ZNF850: variants seen among roughly 807,000 people sequenced by gnomAD.
ZNF850 encodes zinc finger protein 850, also known as putative zinc finger protein ENSP00000330994.
In ZNF850, 2 loss-of-function variants were observed where a neutral mutation model predicts 11.9. The ratio of observed to expected loss-of-function variants is 0.17; its 90% CI spans 0.07 to 0.53. ZNF850 has a LOEUF of 0.53. Ranked by LOEUF, ZNF850 falls within the 20% of genes least tolerant of loss-of-function variation. The pLI is 0.94. For synonymous variants in ZNF850, 381 were observed against 443.0 expected (o/e 0.86, Z 1.76); for missense variants, 1,014 against 1,316.4 (o/e 0.77, Z 3.55).
chr19:36,755,865 T>C (rs1355089525), intron 4 of ZNF850, among the ~76,000 whole-genome samples: 1 of 149,026 alleles, frequency 6.7e-6, no homozygotes, highest in East Asian at 2.0e-4. Context: ...CACTAGTAAA[T>C]AAAGTAACTA....
At position 36,750,297 on chromosome 19, in the gene ZNF850, G is replaced by A. The variant is rs1368465336; in HGVS notation, c.743C>T (p.Thr248Ile). ...SHLIQHQKMY[T>I]DERPHECQES... ...CTGACACTCATGAGGTCTCTCATCT[G>A]TATACATTTTCTGGTGTTGAATAAG... The change falls in exon 5 of 5, where the codon ACA becomes ATA. Residue 248 changes from threonine to isoleucine, a missense_variant. By Grantham distance (89) the Thr-to-Ile change is moderately conservative. Coordinates refer to ENST00000591344, the MANE Select transcript of ZNF850 (RefSeq NM_001193552.2). 1 of 1,536,698 alleles carries A rather than the reference G, an allele frequency of 6.5e-7. No individual in the cohort carries two copies. The highest frequency in any genetic ancestry group is 2.0e-5 in the Admixed American group (1 of 51,000).
At chr19:36,751,475 C>T (rs973000338) in intron 4 of ZNF850, among the ~76,000 whole-genome samples, 3 of 151,878 alleles carry the variant, frequency 2.0e-5, no homozygotes, top group East Asian at 1.9e-4. Context: ...CTGAAGCGGG[C>T]GGACCACAAG....
At position 36,765,672 on chromosome 19, in the gene ZNF850, C is replaced by T. The variant is rs186040161; in HGVS notation, c.-69-2997G>A. On this transcript the variant is annotated intron_variant, in intron 1 of 4. Coordinates refer to ENST00000591344, the MANE Select transcript of ZNF850 (RefSeq NM_001193552.2). The stretch of plus-strand genomic sequence containing the variant: ...CGATCTCGGCTCACTGCAACCTCCT[C>T]CTCCTGGATTCAAGCGATTCTCCTG... Among the ~76,000 whole-genome samples, 1,124 of 150,598 alleles carry T rather than the reference C, an allele frequency of 7.5e-3. 11 individuals are homozygous for T. Among genetic ancestry groups the T allele is most frequent in the African/African-American group, 0.025 (1,038 of 40,708 alleles).
At position 36,747,635 on chromosome 19, in the gene ZNF850, C is replaced by CAAA. The variant is rs56769461; in HGVS notation, c.*129_*131dup. 725 of 766,864 alleles carry CAAA rather than the reference C, an allele frequency of 9.5e-4. 2 individuals are homozygous for CAAA. The African/African-American group carries it at 0.011, about 12-fold the overall frequency. 47.5% of individuals were successfully genotyped at this position (766,864 alleles called of 1,614,324 possible). A position where few individuals can be genotyped will look rare whatever the true frequency, so the allele number is the denominator to read the frequency against. ...TGGGCGACAGAGCAAGACTCCGTCTCAAAAAAAAAAAAAAAAGTCGTAATT... is the reference window on the plus strand; with the variant it reads ...TGGGCGACAGAGCAAGACTCCGTCTCAAAAAAAAAAAAAAAAAAAGTCGTAATT... On this transcript the variant is annotated 3_prime_UTR_variant, in exon 5 of 5. Transcript: ENST00000591344.
intron 4 of ZNF850, among the ~76,000 whole-genome samples, chr19:36,757,769 G>GCA (rs2040495618): frequency 6.6e-6 from 1 of 151,958 alleles, no homozygotes; most frequent in Non-Finnish European, 1.5e-5. Context: ...CAAGTGATCT[G>GCA]CACACCTCAG....
intron 1 of ZNF850, among the ~76,000 whole-genome samples, chr19:36,765,510 G>A (rs866326269): frequency 8.7e-5 from 13 of 150,060 alleles, no homozygotes; most frequent in Middle Eastern, 3.5e-3. Flanking sequence ...AATGTTTTTC[G>A]TATTAAATCC....
chr19:36,757,897 C>T (rs1423712960), intron 4 of ZNF850, among the ~76,000 whole-genome samples: 1 of 152,108 alleles, frequency 6.6e-6, no homozygotes, highest in Non-Finnish European at 1.5e-5. Flanking sequence ...TCACAGCTCA[C>T]TGCAGCCTTG....
At chr19:36,761,961 G>T (rs559645442) in intron 3 of ZNF850, among the ~76,000 whole-genome samples, 1 of 150,408 alleles carries the variant, frequency 6.6e-6, no homozygotes, top group South Asian at 2.1e-4. Flanking sequence ...CAGGAGAGTC[G>T]CTTGAACCCG....
intron 4 of ZNF850, 102 bp downstream of exon 4, chr19:36,761,541 T>C (rs1472969195): frequency 3.5e-6 from 2 of 576,426 alleles, no homozygotes; most frequent in Non-Finnish European, 6.0e-6. Context: ...ACATGGGACC[T>C]TGAAGAAGAG....
At position 36,749,323 on chromosome 19, in the gene ZNF850, G is replaced by A. The variant is rs183313338; in HGVS notation, c.1717C>T (p.Arg573Cys). 1.9e-5 allele frequency: 30 copies of A among 1,553,768 alleles called. No homozygotes were observed. The highest frequency in any genetic ancestry group is 1.4e-4 in the East Asian group (6 of 41,622). ...CGCTGATGTTGAATTAGTGCTGAGC[G>A]AGAAGTAAAAGATTTTCCACATTCT... ...CKECGKSFTS[R>C]SALIQHQRIH... Residue 573 changes from arginine (R) to cysteine (C), a missense_variant, in exon 5 of 5, where the codon CGC (arginine) becomes TGC (cysteine). Physicochemically the swap from Arg to Cys is radical, Grantham distance 180. Transcript: ENST00000591344.
intron 3 of ZNF850, 51 bp downstream of exon 3, chr19:36,762,254 T>C (rs1478535974): frequency 7.0e-7 from 1 of 1,430,826 alleles, no homozygotes. Flanking sequence ...ACCCAGACAA[T>C]TGAAAGCTAC....
intron 4 of ZNF850, among the ~76,000 whole-genome samples, chr19:36,759,005 C>A (rs1037915217): frequency 6.6e-6 from 1 of 151,542 alleles, no homozygotes; most frequent in Non-Finnish European, 1.5e-5. Context: ...ATCACTTGAA[C>A]CAGGAAGTCG....
intron 4 of ZNF850, among the ~76,000 whole-genome samples, chr19:36,755,021 C>G (rs1027611917): frequency 3.3e-5 from 5 of 152,198 alleles, no homozygotes; most frequent in Admixed American, 1.3e-4. Context: ...ACACGTGAAT[C>G]CCCACCCCCA....
Position 36,750,760 on chromosome 19 carries a change from C to A in ZNF850, c.280G>T (p.Glu94Ter). The change falls in exon 5 of 5, where the codon GAA (glutamate) becomes TAA (stop). Residue 94 changes from glutamate (E) to a stop codon, truncating the protein, a stop_gained. Coordinates refer to ENST00000591344, the MANE Select transcript of ZNF850 (RefSeq NM_001193552.2). LOFTEE classifies it low-confidence loss of function (END_TRUNC). ...CKTKDSCLPKEIYEVTSSQWV... is the reference protein window; with the variant it reads ...CKTKDSCLPK ...TGAGATGATGTTACTTCATAGATTT[C>A]TTTTGGCAAACATGAATCTTTGGTC... The A allele has an allele frequency of 6.6e-7, 1 of 1,525,476 alleles. No homozygotes were observed. The highest frequency in any genetic ancestry group is 1.4e-5 in the African/African-American group (1 of 72,632). The allele number at this position is 1,525,476 out of a possible 1,614,324, so 94.5% of individuals were successfully genotyped here.
chr19:36,760,085 C>A (rs2040509117), intron 4 of ZNF850, among the ~76,000 whole-genome samples: 1 of 152,184 alleles, frequency 6.6e-6, no homozygotes, highest in African/African-American at 2.4e-5. Flanking sequence ...GTTCTTTCTT[C>A]TAAGCACCAT....
chr19:36,762,558 G>A (rs2040525721), intron 2 of ZNF850, 37 bp downstream of exon 2: 1 of 1,535,948 alleles, frequency 6.5e-7, no homozygotes, highest in South Asian at 1.2e-5. Flanking sequence ...TGAGAGTGGG[G>A]AAGAGTAAAA....
intron 3 of ZNF850, among the ~76,000 whole-genome samples, chr19:36,762,044 T>C (rs933389177): frequency 1.7e-5 from 1 of 57,498 alleles, no homozygotes; most frequent in African/African-American, 6.9e-5. Flanking sequence ...AGACTTTGTC[T>C]CAAAAAAAAA....
chr19:36,758,614 C>T (rs1405966654), intron 4 of ZNF850, among the ~76,000 whole-genome samples: 2 of 152,066 alleles, frequency 1.3e-5, no homozygotes, highest in East Asian at 1.9e-4. Context: ...GTGATCCACC[C>T]ATCTCTGATT....
At chr19:36,762,010 C>T (rs977975627) in intron 3 of ZNF850, among the ~76,000 whole-genome samples, 7 of 147,138 alleles carry the variant, frequency 4.8e-5, no homozygotes, top group Non-Finnish European at 8.9e-5. Context: ...CATGACATTG[C>T]ACTCCAGCCT....
Sources: allele counts gnomAD v4.1 joint callset (sites outside exome capture counted in the v4.1 genomes callset), GRCh38; gene constraint gnomAD v4.1.1; transcripts MANE v1.5; gene names NCBI Gene and HGNC (gene_info 2026-07-23, HGNC 2026-07-21).